The following RFX3 variants were observed in gnomAD, a reference collection of about 807,000 sequenced individuals.
RFX3 encodes transcription factor RFX3.
RFX3 carries 14 observed loss-of-function variants against 98.6 expected under a neutral mutation model. That is an observed-to-expected ratio of 0.14 (90% CI 0.09 to 0.22). The LOEUF (loss-of-function observed/expected upper bound fraction) is 0.22. RFX3 is among the 10% of genes least tolerant of loss of function. RFX3 has a pLI of 1.00. For missense variants in RFX3, 639 were observed against 926.9 expected (o/e 0.69, Z 4.03); for synonymous variants, 383 against 328.4 (o/e 1.17, Z -1.80).
intron 1 of RFX3, among the ~76,000 whole-genome samples, chr9:3,449,424 C>T (rs1188540151): frequency 6.6e-6 from 1 of 152,210 alleles, no homozygotes; most frequent in Non-Finnish European, 1.5e-5. Context: ...GTTTCATTTA[C>T]CCTTCCCTCA....
chr9:3,288,313 G>T (rs970200103), intron 6 of RFX3, 63 bp from the exon 7 acceptor site: 5 of 1,501,362 alleles, frequency 3.3e-6, no homozygotes, highest in Non-Finnish European at 4.6e-6. Flanking sequence ...AATCACATGG[G>T]ATGTCCATTA....
intron 1 of RFX3, among the ~76,000 whole-genome samples, chr9:3,524,937 AG>A (rs1461507753): frequency 6.6e-6 from 1 of 150,846 alleles, no homozygotes; most frequent in Non-Finnish European, 1.5e-5. Context: ...AGTACAGCAA[AG>A]AGGGCCCAAC....
At position 3,395,603 on chromosome 9, in the gene RFX3, T is replaced by C. The variant is rs202032841; in HGVS notation, c.-8-7A>G. 5.3e-5 allele frequency: 86 copies of C among 1,612,040 alleles called. No individual in the cohort carries two copies. The East Asian group carries it at 8.5e-4, about 16-fold the overall frequency. The stretch of plus-strand genomic sequence containing the variant: ...GATGTCTGCATGATGGTCTCTGAAA[T>C]AGATTAAAATGAAATTAAAGTTTAA... On this transcript the variant is annotated splice_region_variant and splice_polypyrimidine_tract_variant and intron_variant, in intron 1 of 16. Coordinates refer to ENST00000617270, the MANE Select transcript of RFX3 (RefSeq NM_001282116.2).
At chr9:3,505,914 T>C (rs1182065227) in intron 1 of RFX3, among the ~76,000 whole-genome samples, 2 of 151,842 alleles carry the variant, frequency 1.3e-5, no homozygotes, top group Non-Finnish European at 2.9e-5. Flanking sequence ...CAGAGGCCCT[T>C]GAAGAATGAT....
chr9:3,239,404 G>T (rs1192584094), intron 15 of RFX3, among the ~76,000 whole-genome samples: 1 of 152,184 alleles, frequency 6.6e-6, no homozygotes, highest in African/African-American at 2.4e-5. Context: ...TCCACACGTG[G>T]GCAAATCCTG....
intron 1 of RFX3, among the ~76,000 whole-genome samples, chr9:3,418,882 G>T (rs1843207118): frequency 6.6e-6 from 1 of 152,138 alleles, no homozygotes. Flanking sequence ...TGATCCAGTG[G>T]AAACTTATGT....
intron 1 of RFX3, among the ~76,000 whole-genome samples, chr9:3,440,273 A>G (rs1038501875): frequency 1.3e-5 from 2 of 152,090 alleles, no homozygotes; most frequent in African/African-American, 4.8e-5. Context: ...AGCAAAATAA[A>G]ACAAACAAAA....
At chr9:3,260,858 T>C (rs1002831271) in intron 13 of RFX3, among the ~76,000 whole-genome samples, 1 of 149,794 alleles carries the variant, frequency 6.7e-6, no homozygotes, top group Non-Finnish European at 1.5e-5. Flanking sequence ...TTAAATTAGA[T>C]ATAAATAGAT....
rs563807861 is a variant in RFX3 at position 3,392,422 on chromosome 9, T to G, written c.117+3050A>C. 9.9e-5 allele frequency among the ~76,000 whole-genome samples: 15 copies of G among 151,550 alleles called. No individual in the cohort carries two copies. The East Asian group carries it at 2.9e-3, about 29-fold the overall frequency. ...ATTACGAAAAGGAACACATAGGAAT[T>G]TTTTAAAAATTCCTGAAAATTAAAA... On this transcript the variant is annotated intron_variant, in intron 2 of 16. Transcript: ENST00000617270.
At chr9:3,443,111 A>T (rs573467236) in intron 1 of RFX3, among the ~76,000 whole-genome samples, 27 of 152,334 alleles carry the variant, frequency 1.8e-4, no homozygotes, top group African/African-American at 5.8e-4. Flanking sequence ...AAAAAAAGAT[A>T]CTCAACATCA....
intron 7 of RFX3, among the ~76,000 whole-genome samples, chr9:3,287,606 T>G (rs1419551114): frequency 2.6e-5 from 4 of 151,938 alleles, no homozygotes; most frequent in Non-Finnish European, 5.9e-5. Context: ...CATCCGTCCA[T>G]CCATCCGTCC....
At chr9:3,257,644 A>T (rs1822307070) in intron 13 of RFX3, among the ~76,000 whole-genome samples, 1 of 152,244 alleles carries the variant, frequency 6.6e-6, no homozygotes. Flanking sequence ...TAAGTCAGAC[A>T]GATAAATAGA....
chr9:3,322,316 C>G (rs1831409357), intron 4 of RFX3, among the ~76,000 whole-genome samples: 2 of 152,136 alleles, frequency 1.3e-5, no homozygotes, highest in Non-Finnish European at 2.9e-5. Flanking sequence ...TTTTATTCAG[C>G]AATTGGATCT....
rs551066817 is a variant in RFX3, at chr9:3,288,423, T to A, written c.732-173A>T. Among the ~76,000 whole-genome samples the A allele has an allele frequency of 5.3e-4, 81 of 152,168 alleles. No individual in the cohort carries two copies. The South Asian group carries it at 0.016, about 30-fold the overall frequency. ...CTTTTATGTTTTTATGGTGATAAAATTTGAAGAATCAAAATAAGATTCCAA... is the reference window on the plus strand; with the variant it reads ...CTTTTATGTTTTTATGGTGATAAAAATTGAAGAATCAAAATAAGATTCCAA... On this transcript the variant is annotated intron_variant, in intron 6 of 16. Transcript: ENST00000617270.
At chr9:3,366,160 C>T (rs1202447560) in intron 2 of RFX3, among the ~76,000 whole-genome samples, 1 of 152,080 alleles carries the variant, frequency 6.6e-6, no homozygotes, top group African/African-American at 2.4e-5. Flanking sequence ...TACTGTTGCT[C>T]ATAGCTCACT....
chr9:3,517,791 G>T (rs916412412), intron 1 of RFX3, among the ~76,000 whole-genome samples: 1 of 152,144 alleles, frequency 6.6e-6, no homozygotes, highest in Admixed American at 6.5e-5. Flanking sequence ...GTGGAACAAG[G>T]TTATAAATTT....
chr9:3,298,980 C>G (rs542359855), intron 5 of RFX3, among the ~76,000 whole-genome samples: 1 of 151,622 alleles, frequency 6.6e-6, no homozygotes. Context: ...AATGTTTTTA[C>G]ATAATAAAAT....
intron 12 of RFX3, 140 bp from the exon 13 acceptor site, chr9:3,263,224 T>C (rs633893): frequency 0.86 from 721,818 of 843,108 alleles, 311,386 homozygotes; most frequent in East Asian, 0.9. Flanking sequence ...TGAGAGAGTT[T>C]ACTTGTAAAT....
intron 1 of RFX3, among the ~76,000 whole-genome samples, chr9:3,422,804 T>G (rs974852076): frequency 6.6e-6 from 1 of 152,194 alleles, no homozygotes. Context: ...TCAGGAGGTT[T>G]TATAAAAATA....
Sources: gnomAD v4.1 joint callset for allele counts (sites outside exome capture counted in the v4.1 genomes callset) on GRCh38, gnomAD v4.1.1 for gene constraint, MANE v1.5 for transcripts, NCBI Gene and HGNC (gene_info 2026-07-23, HGNC 2026-07-21) for gene names.